FAM170A: variants seen among roughly 807,000 people sequenced by gnomAD.
FAM170A encodes the protein protein FAM170A.
Under a neutral mutation model 36.6 loss-of-function variants are expected in FAM170A, and 28 were observed. That is an observed-to-expected ratio of 0.76 (90% CI 0.57 to 1.05). The LOEUF (loss-of-function observed/expected upper bound fraction) is 1.05, where lower values mean the gene tolerates loss of function less well. FAM170A is among the 50% of genes least tolerant of loss of function. The pLI is 0.00. For synonymous variants in FAM170A, 156 were observed against 143.9 expected, an observed-to-expected ratio of 1.08 and a Z score of -0.60; for missense variants, 434 against 396.5, an observed-to-expected ratio of 1.09 and a Z score of -0.80.
rs1756337374 is a variant in FAM170A at position 119,634,566 on chromosome 5, C to CAT, written c.819_820insTA (p.Glu274Ter). 6.2e-7 allele frequency: 1 copy of CAT among 1,613,180 alleles called. No homozygotes were observed. The highest frequency in any genetic ancestry group is 8.5e-7 in the Non-Finnish European group (1 of 1,179,574). On this transcript the variant is annotated frameshift_variant, in exon 3 of 5. Transcript: ENST00000613773. LOFTEE classifies it high-confidence loss of function. ...GCTCAGCTGACAGGCAACATGGAAT[C>CAT]AGAGAGCACCCAAGATGAGCAGGAG...
intron 2 of FAM170A, among the ~76,000 whole-genome samples, chr5:119,633,190 T>A (rs951979105): frequency 6.6e-6 from 1 of 152,006 alleles, no homozygotes; most frequent in Non-Finnish European, 1.5e-5. Flanking sequence ...GGCATGGGAT[T>A]GGGTGCAGGG....
chr5:119,632,463 C>A (rs752647178), intron 1 of FAM170A, among the ~76,000 whole-genome samples: 1 of 150,616 alleles, frequency 6.6e-6, no homozygotes, highest in Non-Finnish European at 1.5e-5. Flanking sequence ...CTACAATATA[C>A]CCACACAAAT....
chr5:119,635,159 A>C, intron 4 of FAM170A, 73 bp downstream of exon 4: 1 of 1,092,848 alleles, frequency 9.2e-7, no homozygotes. Context: ...AAGGAGCTGC[A>C]GGGATGCACT....
chr5:119,632,712 T>TCCATCATATCTC (rs1756279578), intron 1 of FAM170A, 36 bp from the exon 2 acceptor site: 2 of 1,502,264 alleles, frequency 1.3e-6, no homozygotes, highest in East Asian at 2.3e-5. Context: ...ACATTACCCA[T>TCCATCATATCTC]CCATCATATC....
chr5:119,633,476 C>T (rs1253228686), intron 2 of FAM170A, among the ~76,000 whole-genome samples: 1 of 152,056 alleles, frequency 6.6e-6, no homozygotes, highest in Non-Finnish European at 1.5e-5. Context: ...CTGCCTTTGC[C>T]TTCCAGAGAA....
chr5:119,634,397 A>C, exon 3 of FAM170A: 1 of 1,613,872 alleles, frequency 6.2e-7, no homozygotes. Context: ...CAGAGCCAAG[A>C]CTCCTGACTG....
At chr5:119,634,820 C>G in intron 3 of FAM170A, 86 bp downstream of exon 3, 1 of 1,409,898 alleles carries the variant, frequency 7.1e-7, no homozygotes, top group Non-Finnish European at 9.6e-7. Context: ...GCTTAGGTCT[C>G]TGTAAGGAAG....
At chr5:119,634,030 G>T (rs750152249) in exon 3 of FAM170A, 1 of 1,614,112 alleles carries the variant, frequency 6.2e-7, no homozygotes, top group East Asian at 2.2e-5. Flanking sequence ...AACGAGGAGA[G>T]ACTCCTCCCC....
rs1756284175 is a variant in FAM170A at position 119,632,852 on chromosome 5, T to C, written c.175T>C (p.Ser59Pro). The change falls in exon 2 of 5, where the codon TCC (serine) becomes CCC (proline). Residue 59 changes from serine to proline, a missense_variant. Coordinates refer to ENST00000613773, the Ensembl canonical transcript of FAM170A. ...AGTTACTTCTACCTCCGAATACTGC[T>C]CCTGCGTTTCTTCTTCACGCAAGCT... 6 of 1,611,974 alleles carry C rather than the reference T, an allele frequency of 3.7e-6. No individual in the cohort carries two copies. The highest frequency in any genetic ancestry group is 4.2e-6 in the Non-Finnish European group (5 of 1,178,454).
intron 3 of FAM170A, 141 bp from the exon 4 acceptor site, chr5:119,634,887 G>C (rs189411590): frequency 1.4e-5 from 18 of 1,264,556 alleles, no homozygotes; most frequent in East Asian, 4.8e-5. Context: ...TGGGATCCCT[G>C]CTTCTTGCCT....
At chr5:119,630,450 C>T (rs1372717618) in intron 1 of FAM170A, among the ~76,000 whole-genome samples, 1 of 151,552 alleles carries the variant, frequency 6.6e-6, no homozygotes, top group African/African-American at 2.4e-5. Context: ...GGATTATAGG[C>T]GTGAGCCATC....
At chr5:119,630,923 G>C (rs1300842394) in intron 1 of FAM170A, among the ~76,000 whole-genome samples, 1 of 152,206 alleles carries the variant, frequency 6.6e-6, no homozygotes, top group East Asian at 1.9e-4. Flanking sequence ...TTGTTAGAAA[G>C]TAGATTAAAC....
At chr5:119,632,993 G>A in intron 2 of FAM170A, 105 bp downstream of exon 2, 1 of 1,304,846 alleles carries the variant, frequency 7.7e-7, no homozygotes, top group Non-Finnish European at 1.0e-6. Flanking sequence ...CTCTTTGGTT[G>A]CAGTGCTGCT....
At chr5:119,635,214 T>C in intron 4 of FAM170A, 128 bp downstream of exon 4, 1 of 644,604 alleles carries the variant, frequency 1.6e-6, no homozygotes, top group Non-Finnish European at 2.8e-6. Flanking sequence ...ATCGTGCACC[T>C]GGTGCTTCTG....
exon 3 of FAM170A, chr5:119,634,508 G>A: frequency 6.2e-7 from 1 of 1,613,792 alleles, no homozygotes. Flanking sequence ...GATCAGAGAG[G>A]GCTTCAGCTG....
exon 3 of FAM170A, chr5:119,634,244 G>T: frequency 6.2e-7 from 1 of 1,614,214 alleles, no homozygotes; most frequent in Non-Finnish European, 8.5e-7. Flanking sequence ...CCTTTCTGAG[G>T]TTGTGAGGGT....
At chr5:119,632,652 C>A in intron 1 of FAM170A, 96 bp from the exon 2 acceptor site, 1 of 1,218,398 alleles carries the variant, frequency 8.2e-7, no homozygotes, top group Non-Finnish European at 1.1e-6. Flanking sequence ...CTACACCTGA[C>A]ATAGGTCAGC....
chr5:119,630,763 C>T (rs1297255880), intron 1 of FAM170A, among the ~76,000 whole-genome samples: 1 of 152,188 alleles, frequency 6.6e-6, no homozygotes, highest in Non-Finnish European at 1.5e-5. Context: ...CTCGTATTCT[C>T]TTTATTTGCT....
At chr5:119,634,594 G>A (rs1382949376) in exon 3 of FAM170A, 1 of 1,613,258 alleles carries the variant, frequency 6.2e-7, no homozygotes, top group Non-Finnish European at 8.5e-7. Context: ...AGCAGGAGGA[G>A]GAAAATGGAA....
Sources: allele counts gnomAD v4.1 joint callset (sites outside exome capture counted in the v4.1 genomes callset), GRCh38; gene constraint gnomAD v4.1.1; transcripts MANE v1.5; gene names NCBI Gene and HGNC (gene_info 2026-07-23, HGNC 2026-07-21).